Variants in EXT1 observed in about 807,000 individuals in gnomAD.
The protein encoded by EXT1 is exostosin-1.
EXT1 carries 20 observed loss-of-function variants against 82.5 expected under a neutral mutation model. That is an observed-to-expected ratio of 0.24 (90% CI 0.17 to 0.35). The LOEUF (loss-of-function observed/expected upper bound fraction) is 0.35. Ranked by LOEUF, EXT1 falls within the 10% of genes least tolerant of loss-of-function variation. The probability of loss-of-function intolerance (pLI) is 1.00; values close to 1 mark genes in which losing one functional copy is unlikely to be tolerated. For missense variants in EXT1, 757 were observed against 936.5 expected (o/e 0.81, Z 2.50); for synonymous variants, 348 against 350.8 (o/e 0.99, Z 0.09).
intron 1 of EXT1, among the ~76,000 whole-genome samples, chr8:117,964,159 A>T (rs1482363714): frequency 6.6e-6 from 1 of 152,184 alleles, no homozygotes; most frequent in Admixed American, 6.5e-5. Context: ...CTTTTAATTT[A>T]CATTATCTTT....
chr8:117,954,400 T>C (rs1313631876), intron 1 of EXT1, among the ~76,000 whole-genome samples: 1 of 152,174 alleles, frequency 6.6e-6, no homozygotes. Context: ...CCATAAGATG[T>C]CCATTTGTGA....
chr8:117,896,966 C>A (rs911307669), intron 1 of EXT1, among the ~76,000 whole-genome samples: 3 of 152,164 alleles, frequency 2.0e-5, no homozygotes, highest in South Asian at 2.1e-4. Flanking sequence ...CTCCATGTTT[C>A]CCTTCACCCC....
chr8:117,976,126 C>T (rs1486613564), intron 1 of EXT1, among the ~76,000 whole-genome samples: 1 of 152,114 alleles, frequency 6.6e-6, no homozygotes, highest in African/African-American at 2.4e-5. Flanking sequence ...GCTATTTAGG[C>T]CCATATTAGA....
At chr8:117,841,872 A>AT (rs573638516) in intron 1 of EXT1, among the ~76,000 whole-genome samples, 1 of 152,184 alleles carries the variant, frequency 6.6e-6, no homozygotes, top group Admixed American at 6.5e-5. Flanking sequence ...TAGGAAACAC[A>AT]TTTTTGCTGG....
intron 1 of EXT1, among the ~76,000 whole-genome samples, chr8:118,036,055 T>C (rs1816412915): frequency 6.6e-6 from 1 of 151,786 alleles, no homozygotes; most frequent in Non-Finnish European, 1.5e-5. Flanking sequence ...CTTGCCTCCC[T>C]TTCTCTGTAT....
At chr8:117,809,244 T>TATATATATATATATATATATATATA (rs1554657605) in intron 8 of EXT1, among the ~76,000 whole-genome samples, 21 of 138,186 alleles carry the variant, frequency 1.5e-4, no homozygotes, top group Non-Finnish European at 2.0e-4. Context: ...TATATATATA[T>TATATATATATATATATATATATATA]TATGTTCTAT....
At chr8:117,958,847 T>A (rs1244526121) in intron 1 of EXT1, among the ~76,000 whole-genome samples, 1 of 152,214 alleles carries the variant, frequency 6.6e-6, no homozygotes, top group East Asian at 1.9e-4. Flanking sequence ...TTTTTTTCTT[T>A]CCTAAATATG....
chr8:117,873,711 C>CT (rs2129900576), intron 1 of EXT1, among the ~76,000 whole-genome samples: 1 of 152,260 alleles, frequency 6.6e-6, no homozygotes, highest in South Asian at 2.1e-4. Context: ...CCGCCTTGGA[C>CT]TCCCAAAGTG....
At chr8:118,014,151 G>A (rs920073012) in intron 1 of EXT1, among the ~76,000 whole-genome samples, 2 of 152,132 alleles carry the variant, frequency 1.3e-5, no homozygotes, top group Non-Finnish European at 2.9e-5. Context: ...ACAAATGTTA[G>A]CCTTCTTTGC....
At chr8:118,067,009 C>A (rs553365730) in intron 1 of EXT1, among the ~76,000 whole-genome samples, 6 of 152,170 alleles carry the variant, frequency 3.9e-5, no homozygotes, top group African/African-American at 1.4e-4. Flanking sequence ...AGACAGCTGC[C>A]GTCTGTAAGT....
intron 1 of EXT1, among the ~76,000 whole-genome samples, chr8:117,962,879 T>C (rs1814730953): frequency 6.6e-6 from 1 of 151,780 alleles, no homozygotes; most frequent in South Asian, 2.1e-4. Flanking sequence ...TGGGCTGTAA[T>C]TGCACTGCTG....
chr8:117,799,731 C>G lies in EXT1; in HGVS notation c.2222G>C (p.Arg741Pro). Residue 741 changes from arginine (R) to proline (P), a missense_variant, in exon 11 of 11, where the codon CGA becomes CCA. Around this residue, in one of 4 missense-constraint regions of EXT1, gnomAD observed 128 missense variants for 223.2 expected, o/e 0.57. Coordinates refer to ENST00000378204, the MANE Select transcript of EXT1 (RefSeq NM_000127.3). ...GATTCCTCAAAGTCGCTCAATGTCTCGGTATTTCTTCCTCAAAATAGAGAC... is the reference window on the plus strand; with the variant it reads ...GATTCCTCAAAGTCGCTCAATGTCTGGGTATTTCTTCCTCAAAATAGAGAC... ...DQVSILRKKY[R>P]DIERL 6.2e-7 allele frequency: 1 copy of G among 1,614,064 alleles called. No homozygotes were observed. Among genetic ancestry groups the G allele is most frequent in the Non-Finnish European group, 8.5e-7 (1 of 1,180,006 alleles).
In EXT1 at chr8:117,854,872, A is replaced by C. The variant is rs780421622; in HGVS notation, c.963-17671T>G. ...CTGAATCTGAAGTAGATGCTGCTGA[A>C]CTTCACTTGCATTTTTTTTACCAGC... On this transcript the variant is annotated intron_variant, in intron 1 of 10. Coordinates refer to ENST00000378204, the MANE Select transcript of EXT1 (RefSeq NM_000127.3). Among the ~76,000 whole-genome samples the C allele has an allele frequency of 3.3e-5, 5 of 152,178 alleles. 1 individual carries two copies. The highest frequency in any genetic ancestry group is 1.2e-4 in the African/African-American group (5 of 41,448).
chr8:117,864,898 ACTTC>A (rs1346616116), intron 1 of EXT1, among the ~76,000 whole-genome samples: 1 of 152,130 alleles, frequency 6.6e-6, no homozygotes, highest in African/African-American at 2.4e-5. Context: ...GATAATCCCT[ACTTC>A]CTTCCTCTTC....
intron 1 of EXT1, among the ~76,000 whole-genome samples, chr8:118,004,801 C>T (rs537722668): frequency 6.4e-4 from 97 of 152,310 alleles, no homozygotes; most frequent in African/African-American, 2.2e-3. Flanking sequence ...CGTTATTGGT[C>T]TCCAAATATG....
intron 1 of EXT1, among the ~76,000 whole-genome samples, chr8:117,959,982 G>A (rs1005937451): frequency 2.6e-5 from 4 of 152,210 alleles, no homozygotes; most frequent in Non-Finnish European, 5.9e-5. Context: ...GGGAGGCCAA[G>A]GCAGGCAGAT....
chr8:118,049,851 C>A (rs1022324035), intron 1 of EXT1, among the ~76,000 whole-genome samples: 2 of 151,860 alleles, frequency 1.3e-5, no homozygotes, highest in Admixed American at 1.3e-4. Flanking sequence ...GCCCCACGAC[C>A]GCCAGGGCTC....
chr8:117,991,339 CG>C (rs1815429292), intron 1 of EXT1, among the ~76,000 whole-genome samples: 1 of 152,090 alleles, frequency 6.6e-6, no homozygotes, highest in Non-Finnish European at 1.5e-5. Flanking sequence ...GTGGTTTTCC[CG>C]ACCAGCTTGC....
At chr8:118,085,894 A>G (rs1817409460) in intron 1 of EXT1, among the ~76,000 whole-genome samples, 1 of 152,360 alleles carries the variant, frequency 6.6e-6, no homozygotes, top group Non-Finnish European at 1.5e-5. Flanking sequence ...CAGAAAAATA[A>G]AAGAAAAATA....
Sources: allele counts gnomAD v4.1 joint callset (sites outside exome capture counted in the v4.1 genomes callset), GRCh38; gene constraint gnomAD v4.1.1; regional missense constraint gnomAD v4.1.1; transcripts MANE v1.5; gene names NCBI Gene and HGNC (gene_info 2026-07-23, HGNC 2026-07-21).